COG7: variants seen among roughly 807,000 people sequenced by gnomAD.
COG7 encodes the protein component of oligomeric golgi complex 7, also known as conserved oligomeric Golgi complex subunit 7.
COG7 carries 49 observed loss-of-function variants against 91.5 expected under a neutral mutation model. The observed-to-expected ratio is 0.54, with a 90% CI of 0.43 to 0.68. The LOEUF is 0.68. COG7 is among the 30% of genes least tolerant of loss of function. COG7 has a pLI of 0.00. For synonymous variants in COG7, 365 were observed against 388.7 expected, an observed-to-expected ratio of 0.94 and a Z score of 0.72; for missense variants, 895 against 961.3, an observed-to-expected ratio of 0.93 and a Z score of 0.91.
intron 16 of COG7, 35 bp from the exon 17 acceptor site, chr16:23,389,121 CA>C: frequency 6.2e-7 from 1 of 1,609,268 alleles, no homozygotes; most frequent in African/African-American, 1.3e-5. Flanking sequence ...CAGAGCTCCA[CA>C]GACTCAGCAC....
chr16:23,417,258 T>A, intron 8 of COG7, 137 bp from the exon 9 acceptor site: 1 of 882,274 alleles, frequency 1.1e-6, no homozygotes, highest in Non-Finnish European at 1.8e-6. Context: ...AACGTTTGAA[T>A]GCTTCTCTAG....
In COG7 at chr16:23,410,338, G is replaced by A. The variant is rs1963542453; in HGVS notation, c.1432C>T (p.Leu478Phe). 3 of 1,614,060 alleles carry A rather than the reference G, an allele frequency of 1.9e-6. No individual in the cohort carries two copies. The highest frequency in any genetic ancestry group is 2.5e-6 in the Non-Finnish European group (3 of 1,179,984). ...SIRIIATCGE[L>F]LRHCGDFEQQ... ...TCGAAGTCCCCACAATGCCGCAAAA[G>A]CTCTCCACAGGTGGCTATTATCCTA... Residue 478 changes from leucine (L) to phenylalanine (F), a missense_variant, in exon 11 of 17, where the codon CTT becomes TTT. Coordinates refer to ENST00000307149, the MANE Select transcript of COG7 (RefSeq NM_153603.4).
Position 23,426,238 on chromosome 16 carries a change from GAGA to G in COG7, c.811-1294_811-1292del. 2.0e-5 allele frequency among the ~76,000 whole-genome samples: 3 copies of G among 152,196 alleles called. No individual in the cohort carries two copies. The South Asian group carries it at 6.2e-4, about 32-fold the overall frequency. On this transcript the variant is annotated intron_variant, in intron 6 of 16. Transcript: ENST00000307149. ...CTCAAAACAAAAGAAACAAAGAAAAGAGAAGAACTGTAAACCAACATGCCTTAT... is the reference window on the plus strand; with the variant it reads ...CTCAAAACAAAAGAAACAAAGAAAAGAGAACTGTAAACCAACATGCCTTAT...
Position 23,452,913 on chromosome 16 carries a change from C to G in COG7, c.82G>C (p.Ala28Pro), listed in dbSNP as rs766963363. ...TGGCCATCCGCCTTCCCGGACGCCG[C>G]CTCCTTGGAGCCGGCCCTGAAGGCC... is the stretch of plus-strand genomic sequence containing the variant. ...NAAFRAGSKE[A>P]ASGKADGHAA... The change falls in exon 1 of 17, where the codon GCG (alanine) becomes CCG (proline). Residue 28 changes from alanine (A) to proline (P), a missense_variant. Transcript: ENST00000307149. 1.9e-6 allele frequency: 3 copies of G among 1,614,106 alleles called. No homozygotes were observed. In the South Asian group the frequency reaches 3.3e-5, roughly 18 times the overall value.
chr16:23,409,261 A>G (rs1963523915), intron 11 of COG7, among the ~76,000 whole-genome samples: 1 of 152,144 alleles, frequency 6.6e-6, no homozygotes, highest in Non-Finnish European at 1.5e-5. Context: ...CAGTGACAAG[A>G]TTGACATTGG....
intron 5 of COG7, 152 bp from the exon 6 acceptor site, chr16:23,433,819 GA>G (rs34978942): frequency 0.031 from 17,623 of 572,526 alleles, 1 homozygote; most frequent in Middle Eastern, 0.041. Context: ...AGAAAGGCAG[GA>G]AAAAAAAAAA....
chr16:23,437,872 G>C (rs954314308), intron 4 of COG7, among the ~76,000 whole-genome samples: 3 of 151,792 alleles, frequency 2.0e-5, no homozygotes, highest in Non-Finnish European at 4.4e-5. Flanking sequence ...GGATCACGAG[G>C]TCAAGAGATT....
intron 6 of COG7, among the ~76,000 whole-genome samples, chr16:23,430,504 T>C (rs1963917716): frequency 6.6e-6 from 1 of 151,156 alleles, no homozygotes; most frequent in African/African-American, 2.4e-5. Context: ...CTCTAGTTAA[T>C]AATATGTATG....
chr16:23,445,850 AT>A lies in COG7; in HGVS notation c.280del (p.Ile94LeufsTer16). ...AGATGTGTCCTGTTCAAATTTTTTAATGTCCTCCTTGACAAGAATCATCTGT... is the reference window on the plus strand; with the variant it reads ...AGATGTGTCCTGTTCAAATTTTTTAAGTCCTCCTTGACAAGAATCATCTGT... ...KEQMILVKED[I>X]KKFEQDTSQS... On this transcript the variant is annotated frameshift_variant, in exon 2 of 17. Coordinates refer to ENST00000307149, the MANE Select transcript of COG7 (RefSeq NM_153603.4). LOFTEE classifies it high-confidence loss of function. The A allele has an allele frequency of 6.2e-7, 1 of 1,613,918 alleles. No homozygotes were observed. Among genetic ancestry groups the A allele is most frequent in the Non-Finnish European group, 8.5e-7 (1 of 1,179,932 alleles).
intron 14 of COG7, among the ~76,000 whole-genome samples, chr16:23,395,108 C>A (rs1429087249): frequency 1.3e-5 from 2 of 152,236 alleles, no homozygotes; most frequent in Non-Finnish European, 2.9e-5. Flanking sequence ...TGTGCCTGGA[C>A]TGGCGTCCCT....
intron 12 of COG7, among the ~76,000 whole-genome samples, chr16:23,404,856 G>A (rs1963434023): frequency 6.6e-6 from 1 of 152,178 alleles, no homozygotes; most frequent in Non-Finnish European, 1.5e-5. Flanking sequence ...GGAGGCAGAG[G>A]TTGCAGTGAT....
chr16:23,392,423 AG>A lies in COG7; in HGVS notation c.2102del (p.Pro701LeufsTer3), dbSNP rs1567326619. 6.2e-7 allele frequency: 1 copy of A among 1,614,102 alleles called. No homozygotes were observed. Among genetic ancestry groups the A allele is most frequent in the Admixed American group, 1.7e-5 (1 of 60,010 alleles). On this transcript the variant is annotated frameshift_variant, in exon 16 of 17. Transcript: ENST00000307149. LOFTEE classifies it high-confidence loss of function. Reference sequence around the variant, plus strand: ...GCTTGGCAGAGTGTGGGCTCAGCTCAGGGATCTGTAGGATCGCATCACAGTA... The same window carrying A: ...GCTTGGCAGAGTGTGGGCTCAGCTCAGGATCTGTAGGATCGCATCACAGTA... ...QTYCDAILQIPELSPHSAKQL... is the reference protein window; with the variant it reads ...QTYCDAILQIXELSPHSAKQL...
intron 16 of COG7, among the ~76,000 whole-genome samples, chr16:23,390,505 C>G (rs960360087): frequency 4.4e-4 from 66 of 150,784 alleles, no homozygotes; most frequent in African/African-American, 1.4e-3. Context: ...CGCTCAGTGC[C>G]CCCCCACCGG....
Position 23,413,468 on chromosome 16 carries a change from C to T in COG7, c.1389G>A (p.Thr463=), listed in dbSNP as rs760865997. The stretch of plus-strand genomic sequence containing the variant: ...TTTACCTAATGGAGTTCTGAAAAGC[C>T]GTCCAATCTTCCTGGAAGAGGGAGT... ...PPNSLFQEDW[T]AFQNSIRIIA... Residue 463 remains threonine (T), a synonymous_variant, in exon 10 of 17, where the codon ACG becomes ACA. Coordinates refer to ENST00000307149, the MANE Select transcript of COG7 (RefSeq NM_153603.4). The T allele has an allele frequency of 1.6e-5, 26 of 1,601,152 alleles. No individual in the cohort carries two copies. The highest frequency in any genetic ancestry group is 1.5e-5 in the Non-Finnish European group (18 of 1,168,306).
chr16:23,400,137 A>G (rs1963350389), intron 13 of COG7, among the ~76,000 whole-genome samples: 1 of 152,144 alleles, frequency 6.6e-6, no homozygotes, highest in Admixed American at 6.5e-5. Context: ...TATGCGTGAA[A>G]AGGTCCATAA....
At chr16:23,434,163 T>C (rs1963977770) in intron 5 of COG7, among the ~76,000 whole-genome samples, 1 of 152,118 alleles carries the variant, frequency 6.6e-6, no homozygotes, top group African/African-American at 2.4e-5. Context: ...TAGTCCCAAC[T>C]CCTCACAAGG....
chr16:23,406,388 G>A (rs1963462610), intron 11 of COG7, 126 bp from the exon 12 acceptor site: 1 of 859,720 alleles, frequency 1.2e-6, no homozygotes, highest in Non-Finnish European at 1.9e-6. Context: ...TTAAGGTCCA[G>A]TTTATAAGGC....
chr16:23,425,002 A>C, intron 6 of COG7, 55 bp from the exon 7 acceptor site: 1 of 1,507,628 alleles, frequency 6.6e-7, no homozygotes, highest in East Asian at 2.4e-5. Context: ...ATAGGAGCCC[A>C]CCTTTTTTAA....
chr16:23,442,471 A>G lies in COG7; in HGVS notation c.604+6T>C. 1 of 1,613,672 alleles carries G rather than the reference A, an allele frequency of 6.2e-7. No individual in the cohort carries two copies. Among genetic ancestry groups the G allele is most frequent in the Non-Finnish European group, 8.5e-7 (1 of 1,179,848 alleles). On this transcript the variant is annotated splice_donor_region_variant and intron_variant, in intron 4 of 16. Transcript: ENST00000307149. ...TACACAGAGATGAGAAGCAGCTAGC[A>G]CTCACCTACAGCCTGAGAGGTGAAT...
Sources: allele counts gnomAD v4.1 joint callset (sites outside exome capture counted in the v4.1 genomes callset), GRCh38; gene constraint gnomAD v4.1.1; transcripts MANE v1.5; gene names NCBI Gene and HGNC (gene_info 2026-07-23, HGNC 2026-07-21).